DGKB: variants seen among roughly 807,000 people sequenced by gnomAD.
DGKB encodes the protein diacylglycerol kinase beta.
A neutral mutation model predicts 114.3 loss-of-function variants in DGKB; 67 were observed. That is an observed-to-expected ratio of 0.59 (90% CI 0.48 to 0.72). The LOEUF is 0.72. DGKB is among the 30% of genes least tolerant of loss of function. The probability of loss-of-function intolerance (pLI) is 0.00; values close to 1 mark genes in which losing one functional copy is unlikely to be tolerated. For missense variants in DGKB, 907 were observed against 975.2 expected, an observed-to-expected ratio of 0.93 and a Z score of 0.93; for synonymous variants, 398 against 323.1, an observed-to-expected ratio of 1.23 and a Z score of -2.49.
intron 23 of DGKB, among the ~76,000 whole-genome samples, chr7:14,234,544 GAAT>G (rs1220569140): frequency 3.9e-5 from 6 of 152,138 alleles, no homozygotes; most frequent in African/African-American, 1.4e-4. Flanking sequence ...TGCAAGGAAT[GAAT>G]AATATTTTTG....
At chr7:14,161,823 A>ATT (rs1783940986) in intron 25 of DGKB, among the ~76,000 whole-genome samples, 1 of 152,088 alleles carries the variant, frequency 6.6e-6, no homozygotes, top group Admixed American at 6.6e-5. Flanking sequence ...AATTAAAAGA[A>ATT]AAAAAAAGTC....
chr7:14,292,440 C>T (rs1156549844), intron 23 of DGKB, among the ~76,000 whole-genome samples: 1 of 152,162 alleles, frequency 6.6e-6, no homozygotes, highest in African/African-American at 2.4e-5. Flanking sequence ...TGTATCTGCT[C>T]ATATTCACAT....
intron 23 of DGKB, among the ~76,000 whole-genome samples, chr7:14,182,268 TATTC>T (rs1664914120): frequency 1.3e-5 from 2 of 152,036 alleles, no homozygotes; most frequent in African/African-American, 4.8e-5. Context: ...ATGTTATTTA[TATTC>T]ATTATGTCAA....
chr7:14,167,780 T>C (rs1211392858), intron 25 of DGKB, among the ~76,000 whole-genome samples: 1 of 152,198 alleles, frequency 6.6e-6, no homozygotes, highest in Non-Finnish European at 1.5e-5. Flanking sequence ...AGAGCAGCTT[T>C]TGTAACCTGA....
At chr7:14,351,062 G>GGCATAGCCTTGAA (rs533556795) in intron 21 of DGKB, among the ~76,000 whole-genome samples, 2 of 45,738 alleles carry the variant, frequency 4.4e-5, no homozygotes, top group Non-Finnish European at 8.9e-5. Context: ...ATAATTCTAT[G>GGCATAGCCTTGAA]GCATAGCCGG....
chr7:14,523,029 G>T lies in DGKB; in HGVS notation c.1771-44804C>A, dbSNP rs969166793. On this transcript the variant is annotated intron_variant, in intron 20 of 25. Transcript: ENST00000402815. ...TATCTATGGCCTGATATTTTCTGAG[G>T]CCAGAGGATTCAAAAGTATACTTCA... Among the ~76,000 whole-genome samples, 2 of 152,162 alleles carry T rather than the reference G, an allele frequency of 1.3e-5. 1 individual carries two copies. Among genetic ancestry groups the T allele is most frequent in the East Asian group, 3.9e-4 (2 of 5,168 alleles).
At chr7:14,682,877 C>G in intron 10 of DGKB, 36 bp from the exon 11 acceptor site, 1 of 1,410,102 alleles carries the variant, frequency 7.1e-7, no homozygotes, top group Non-Finnish European at 9.8e-7. Context: ...CAGAGCTAAT[C>G]CTGGTCCTGG....
At chr7:14,412,765 T>A (rs1825095472) in intron 21 of DGKB, among the ~76,000 whole-genome samples, 1 of 152,012 alleles carries the variant, frequency 6.6e-6, no homozygotes. Context: ...GTGGATCACC[T>A]GAGGTCAGGA....
chr7:14,643,557 C>G (rs1014747023), intron 13 of DGKB, among the ~76,000 whole-genome samples: 3 of 152,142 alleles, frequency 2.0e-5, no homozygotes, highest in Non-Finnish European at 4.4e-5. Flanking sequence ...CCAACTGGAA[C>G]TGGTGGTACA....
At chr7:14,502,985 A>G (rs924599152) in intron 20 of DGKB, among the ~76,000 whole-genome samples, 5 of 152,126 alleles carry the variant, frequency 3.3e-5, no homozygotes, top group East Asian at 1.9e-4. Flanking sequence ...GAACCACTAG[A>G]CAGCTTAACA....
At chr7:14,695,136 C>A (rs946452368) in intron 8 of DGKB, among the ~76,000 whole-genome samples, 1 of 152,146 alleles carries the variant, frequency 6.6e-6, no homozygotes, top group African/African-American at 2.4e-5. Flanking sequence ...GTATTGTCTG[C>A]CTAGACACTC....
intron 2 of DGKB, among the ~76,000 whole-genome samples, chr7:14,807,612 T>C (rs143589770): frequency 1.2e-3 from 181 of 152,096 alleles, no homozygotes; most frequent in Non-Finnish European, 1.8e-3. Flanking sequence ...ACAAGTGATA[T>C]AAAACGACGT....
chr7:14,838,786 A>G (rs1847508734), intron 2 of DGKB, among the ~76,000 whole-genome samples: 1 of 152,160 alleles, frequency 6.6e-6, no homozygotes, highest in South Asian at 2.1e-4. Flanking sequence ...TCTACCACTT[A>G]TAACTGTACA....
At chr7:14,708,565 T>G (rs2128327287) in intron 6 of DGKB, among the ~76,000 whole-genome samples, 1 of 151,386 alleles carries the variant, frequency 6.6e-6, no homozygotes, top group East Asian at 2.0e-4. Context: ...CTTCAAACTA[T>G]ACTACAAGGC....
intron 23 of DGKB, among the ~76,000 whole-genome samples, chr7:14,238,051 T>A (rs1025227201): frequency 6.6e-6 from 1 of 152,070 alleles, no homozygotes; most frequent in Non-Finnish European, 1.5e-5. Context: ...ATGACAAATA[T>A]CTCTCGGGTT....
chr7:14,677,358 C>G (rs1355702421), intron 12 of DGKB, among the ~76,000 whole-genome samples: 1 of 151,866 alleles, frequency 6.6e-6, no homozygotes, highest in Non-Finnish European at 1.5e-5. Context: ...GATTTGGAGG[C>G]ACATATTTAC....
chr7:14,895,766 A>G (rs939898382), intron 1 of DGKB, among the ~76,000 whole-genome samples: 3 of 151,764 alleles, frequency 2.0e-5, no homozygotes, highest in Admixed American at 6.6e-5. Context: ...TCATATCTCT[A>G]TATGAATCTT....
intron 5 of DGKB, among the ~76,000 whole-genome samples, chr7:14,734,297 C>T (rs988409651): frequency 2.6e-5 from 4 of 151,906 alleles, no homozygotes; most frequent in South Asian, 2.1e-4. Flanking sequence ...CCTCAGCCTC[C>T]GAAAGTGCTG....
intron 23 of DGKB, among the ~76,000 whole-genome samples, chr7:14,293,211 T>A (rs904093790): frequency 1.3e-5 from 2 of 152,204 alleles, no homozygotes; most frequent in African/African-American, 4.8e-5. Flanking sequence ...ATAAAGTTTC[T>A]TTTATAAATT....
Sources: allele counts gnomAD v4.1 joint callset (sites outside exome capture counted in the v4.1 genomes callset), GRCh38; gene constraint gnomAD v4.1.1; transcripts MANE v1.5; gene names NCBI Gene and HGNC (gene_info 2026-07-23, HGNC 2026-07-21).